FHIT: variants seen among roughly 807,000 people sequenced by gnomAD.
FHIT encodes bis(5'-adenosyl)-triphosphatase.
In FHIT, 19 loss-of-function variants were observed where a neutral mutation model predicts 17.9. The observed-to-expected ratio is 1.06, with a 90% CI of 0.74 to 1.56. The LOEUF is 1.56. FHIT is among the 40% of genes most tolerant of loss of function. The pLI, the probability that FHIT is intolerant of heterozygous loss-of-function variation, is 0.00. For synonymous variants in FHIT, 81 were observed against 69.7 expected (o/e 1.16, Z -0.81); for missense variants, 248 against 189.2 (o/e 1.31, Z -1.82).
At chr3:60,161,960 T>C (rs912249234) in intron 5 of FHIT, among the ~76,000 whole-genome samples, 2 of 152,088 alleles carry the variant, frequency 1.3e-5, no homozygotes, top group East Asian at 1.9e-4. Flanking sequence ...GCGACACTGA[T>C]GCTAACAGCA....
chr3:60,857,658 T>C (rs1553750320), intron 3 of FHIT, among the ~76,000 whole-genome samples: 1 of 152,198 alleles, frequency 6.6e-6, no homozygotes, highest in Non-Finnish European at 1.5e-5. Flanking sequence ...CTCCTGGGCC[T>C]GGTGGCTCAT....
intron 3 of FHIT, among the ~76,000 whole-genome samples, chr3:60,874,613 G>A (rs1262405137): frequency 5.3e-5 from 8 of 152,236 alleles, no homozygotes; most frequent in African/African-American, 1.9e-4. Flanking sequence ...ACAGAAGAAG[G>A]AGACTATGCA....
chr3:61,138,934 T>G (rs1219537183), intron 2 of FHIT, among the ~76,000 whole-genome samples: 1 of 151,978 alleles, frequency 6.6e-6, no homozygotes, highest in Admixed American at 6.6e-5. Context: ...CAGCTGAAGG[T>G]CCTGCATCTT....
chr3:60,422,460 C>A (rs928462632), intron 5 of FHIT, among the ~76,000 whole-genome samples: 1 of 152,078 alleles, frequency 6.6e-6, no homozygotes, highest in African/African-American at 2.4e-5. Context: ...TCTTCTCATA[C>A]CTTATCACAT....
Position 60,971,522 on chromosome 3 carries a change from C to CTT in FHIT, c.-111+70523_-111+70524dup, listed in dbSNP as rs34982675. Among the ~76,000 whole-genome samples the CTT allele has an allele frequency of 2.9e-3, 424 of 148,116 alleles. 3 individuals are homozygous for CTT. Among genetic ancestry groups the CTT allele is most frequent in the Middle Eastern group, 0.027 (8 of 292 alleles). ...TTTAACCTATTGATTCTCCCTCAAT[C>CTT]TTTTTTTTTTTGCCCCCTTGCTATC... On this transcript the variant is annotated intron_variant, in intron 3 of 9. Coordinates refer to ENST00000492590, the MANE Select transcript of FHIT (RefSeq NM_002012.4).
intron 3 of FHIT, among the ~76,000 whole-genome samples, chr3:60,869,135 C>T (rs1292107325): frequency 6.6e-6 from 1 of 152,008 alleles, no homozygotes; most frequent in Non-Finnish European, 1.5e-5. Flanking sequence ...TTGAAATACC[C>T]CTAACACACT....
At chr3:61,106,205 A>T (rs1410199141) in intron 2 of FHIT, among the ~76,000 whole-genome samples, 1 of 152,154 alleles carries the variant, frequency 6.6e-6, no homozygotes, top group Non-Finnish European at 1.5e-5. Context: ...TACAATTATT[A>T]TTATTTTGTT....
chr3:60,644,506 G>A (rs1438659795), intron 4 of FHIT, among the ~76,000 whole-genome samples: 1 of 152,188 alleles, frequency 6.6e-6, no homozygotes, highest in Non-Finnish European at 1.5e-5. Flanking sequence ...TAGAGAGCAT[G>A]TCTGTTTAGA....
chr3:60,285,809 G>A (rs558342790), intron 5 of FHIT, among the ~76,000 whole-genome samples: 3 of 152,198 alleles, frequency 2.0e-5, no homozygotes, highest in South Asian at 2.1e-4. Context: ...ATAGTTTTGA[G>A]GTACATGTGA....
At chr3:60,819,441 A>G (rs1553738648) in intron 4 of FHIT, among the ~76,000 whole-genome samples, 2 of 152,200 alleles carry the variant, frequency 1.3e-5, no homozygotes. Context: ...GATTATCTAC[A>G]TGGTACTTTG....
intron 5 of FHIT, among the ~76,000 whole-genome samples, chr3:60,251,796 CTTGT>C (rs1345628644): frequency 2.0e-5 from 3 of 152,166 alleles, no homozygotes; most frequent in East Asian, 3.9e-4. Context: ...GGAAATCTTG[CTTGT>C]AAGTCAAAGC....
chr3:60,382,561 A>G (rs1223664460), intron 5 of FHIT, among the ~76,000 whole-genome samples: 1 of 152,174 alleles, frequency 6.6e-6, no homozygotes, highest in East Asian at 1.9e-4. Context: ...TGTCCATTTT[A>G]CCTACATGTG....
rs150635791 is a variant in FHIT, at chr3:60,765,253, A to G, written c.-18+56666T>C. Among the ~76,000 whole-genome samples the G allele has an allele frequency of 7.6e-3, 1,152 of 152,336 alleles. 12 individuals are homozygous for G. The highest frequency in any genetic ancestry group is 0.015 in the Admixed American group (223 of 15,304). On this transcript the variant is annotated intron_variant, in intron 4 of 9. Coordinates refer to ENST00000492590, the MANE Select transcript of FHIT (RefSeq NM_002012.4). ...ACCTTGAAAATCATGAGGAAATCTC[A>G]AGTGTCTTTCTACTACATTAGCAAA...
chr3:61,148,349 CT>C (rs879710531), intron 2 of FHIT, among the ~76,000 whole-genome samples: 27 of 152,140 alleles, frequency 1.8e-4, no homozygotes, highest in Admixed American at 1.8e-3. Context: ...AGAAAATTAC[CT>C]CCTGATCCTT....
chr3:61,168,932 T>C (rs1560036747), intron 2 of FHIT, among the ~76,000 whole-genome samples: 1 of 119,320 alleles, frequency 8.4e-6, no homozygotes, highest in African/African-American at 3.1e-5. Context: ...TTTTCCCATG[T>C]TTTGTAGCAC....
intron 7 of FHIT, among the ~76,000 whole-genome samples, chr3:60,005,355 G>C (rs2106646548): frequency 6.6e-6 from 1 of 152,130 alleles, no homozygotes; most frequent in East Asian, 1.9e-4. Flanking sequence ...TGAGGGTTTA[G>C]TAGGAGAGAG....
chr3:60,033,633 C>T (rs1701093648), intron 5 of FHIT, among the ~76,000 whole-genome samples: 1 of 151,572 alleles, frequency 6.6e-6, no homozygotes, highest in South Asian at 2.1e-4. Flanking sequence ...TAGCAATTGC[C>T]TTAAAATATT....
At chr3:60,130,798 C>T (rs867982455) in intron 5 of FHIT, among the ~76,000 whole-genome samples, 1,966 of 140,170 alleles carry the variant, frequency 0.014, 47 homozygotes, top group African/African-American at 0.05. Flanking sequence ...TGTATATACA[C>T]ACATATATAT....
intron 4 of FHIT, among the ~76,000 whole-genome samples, chr3:60,705,584 G>T (rs1313885065): frequency 1.3e-5 from 2 of 152,188 alleles, no homozygotes; most frequent in African/African-American, 4.8e-5. Context: ...GGCTATGGTG[G>T]TTTTATGCCA....
Sources: allele counts gnomAD v4.1 joint callset (sites outside exome capture counted in the v4.1 genomes callset), GRCh38; gene constraint gnomAD v4.1.1; transcripts MANE v1.5; gene names NCBI Gene and HGNC (gene_info 2026-07-23, HGNC 2026-07-21).